The following ZMAT4 variants were observed in gnomAD, a reference collection of about 807,000 sequenced individuals.
ZMAT4 encodes zinc finger matrin-type 4.
Under a neutral mutation model 28.7 loss-of-function variants are expected in ZMAT4, and 17 were observed. The ratio of observed to expected loss-of-function variants is 0.59; its 90% CI spans 0.41 to 0.89. ZMAT4 has a LOEUF of 0.89. ZMAT4 is among the 40% of genes least tolerant of loss of function. The pLI is 0.00. For synonymous variants in ZMAT4, 117 were observed against 109.2 expected (o/e 1.07, Z -0.44); for missense variants, 240 against 283.8 (o/e 0.85, Z 1.11).
chr8:40,851,618 A>G (rs1035713092), intron 1 of ZMAT4, among the ~76,000 whole-genome samples: 2 of 152,174 alleles, frequency 1.3e-5, no homozygotes, highest in South Asian at 4.1e-4. Context: ...ACACATAATA[A>G]TTGCACATAT....
At chr8:40,842,430 T>G (rs1342356447) in intron 1 of ZMAT4, among the ~76,000 whole-genome samples, 1 of 152,250 alleles carries the variant, frequency 6.6e-6, no homozygotes, top group Non-Finnish European at 1.5e-5. Context: ...TATCTTCCAG[T>G]TATCTTTCTT....
chr8:40,579,090 G>A (rs895411974), intron 6 of ZMAT4, among the ~76,000 whole-genome samples: 4 of 152,022 alleles, frequency 2.6e-5, no homozygotes, highest in Admixed American at 2.6e-4. Context: ...GGTAGTTAAG[G>A]GAATTAAATG....
At chr8:40,585,721 T>G (rs1804651461) in intron 5 of ZMAT4, among the ~76,000 whole-genome samples, 1 of 152,174 alleles carries the variant, frequency 6.6e-6, no homozygotes, top group East Asian at 1.9e-4. Flanking sequence ...TGTGAGTTTT[T>G]AAATGCTTAT....
chr8:40,670,369 C>T lies in ZMAT4; in HGVS notation c.577+4335G>A, dbSNP rs80255800. 4.8e-3 allele frequency among the ~76,000 whole-genome samples: 729 copies of T among 152,262 alleles called. 23 individuals are homozygous for T. The East Asian group carries it at 0.085, about 18-fold the overall frequency. ...AATAAATTTTAACCTTTACTTCATACTGTACACAAAAATTAATTTCAGATA... is the reference window on the plus strand; with the variant it reads ...AATAAATTTTAACCTTTACTTCATATTGTACACAAAAATTAATTTCAGATA... On this transcript the variant is annotated intron_variant, in intron 5 of 6. Transcript: ENST00000297737.
intron 2 of ZMAT4, among the ~76,000 whole-genome samples, chr8:40,814,690 G>A (rs187317719): frequency 6.6e-6 from 1 of 152,258 alleles, no homozygotes; most frequent in East Asian, 1.9e-4. Context: ...AAATTAAGCT[G>A]CATCTATATG....
rs573519304 is a variant in ZMAT4 at position 40,639,927 on chromosome 8, C to A, written c.577+34777G>T. On this transcript the variant is annotated intron_variant, in intron 5 of 6. Coordinates refer to ENST00000297737, the MANE Select transcript of ZMAT4 (RefSeq NM_024645.3). ...ACCCAAATAACTCCCTTGTCTGGTC[C>A]TCTCTCATTCTATTATATCCATCTT... is the stretch of plus-strand genomic sequence containing the variant. Among the ~76,000 whole-genome samples, 178 of 151,966 alleles carry A rather than the reference C, an allele frequency of 1.2e-3. 1 individual carries two copies. In the Middle Eastern group the frequency reaches 0.014, roughly 12 times the overall value.
chr8:40,779,237 C>T (rs1159343831), intron 2 of ZMAT4, among the ~76,000 whole-genome samples: 1 of 152,160 alleles, frequency 6.6e-6, no homozygotes, highest in Non-Finnish European at 1.5e-5. Context: ...CCATGTAAGA[C>T]ATGCTTTTTG....
At chr8:40,651,325 C>T (rs1480900830) in intron 5 of ZMAT4, among the ~76,000 whole-genome samples, 4 of 152,126 alleles carry the variant, frequency 2.6e-5, no homozygotes, top group Non-Finnish European at 5.9e-5. Context: ...CTCTCATTCA[C>T]AATTGCTTTA....
intron 5 of ZMAT4, among the ~76,000 whole-genome samples, chr8:40,650,285 A>T (rs372285869): frequency 6.6e-6 from 1 of 152,046 alleles, no homozygotes. Flanking sequence ...CCATCAGAGA[A>T]TACTACAAAC....
At chr8:40,713,674 G>A (rs1026885275) in intron 3 of ZMAT4, among the ~76,000 whole-genome samples, 15 of 151,922 alleles carry the variant, frequency 9.9e-5, no homozygotes, top group Admixed American at 2.6e-4. Flanking sequence ...TTTGGGAGGC[G>A]GAGGCAGGTA....
chr8:40,552,552 C>G (rs934912003), intron 6 of ZMAT4, among the ~76,000 whole-genome samples: 2 of 152,112 alleles, frequency 1.3e-5, no homozygotes, highest in African/African-American at 4.8e-5. Flanking sequence ...CCTACTTGTG[C>G]CAGGCATTGT....
At chr8:40,766,654 T>C (rs1399680429) in intron 3 of ZMAT4, among the ~76,000 whole-genome samples, 1 of 152,254 alleles carries the variant, frequency 6.6e-6, no homozygotes, top group Non-Finnish European at 1.5e-5. Flanking sequence ...ACAGCTCATT[T>C]TGTGACACCA....
At chr8:40,810,521 A>G (rs1815274634) in intron 2 of ZMAT4, among the ~76,000 whole-genome samples, 1 of 152,246 alleles carries the variant, frequency 6.6e-6, no homozygotes, top group African/African-American at 2.4e-5. Flanking sequence ...GGCTCACCAC[A>G]TGGAAGAAAA....
At chr8:40,889,128 C>G (rs938615788) in intron 1 of ZMAT4, among the ~76,000 whole-genome samples, 1 of 152,166 alleles carries the variant, frequency 6.6e-6, no homozygotes, top group African/African-American at 2.4e-5. Flanking sequence ...TGTGATGCAC[C>G]CCTTGAAATG....
intron 5 of ZMAT4, among the ~76,000 whole-genome samples, chr8:40,653,003 C>T (rs1233505105): frequency 6.6e-6 from 1 of 151,626 alleles, no homozygotes; most frequent in Admixed American, 6.6e-5. Flanking sequence ...TTAGTGGGTG[C>T]AGTGCACCAG....
At chr8:40,772,943 T>C (rs144267179) in intron 2 of ZMAT4, among the ~76,000 whole-genome samples, 1 of 151,960 alleles carries the variant, frequency 6.6e-6, no homozygotes, top group South Asian at 2.1e-4. Flanking sequence ...GATGAGGGAC[T>C]CCATCACACA....
At chr8:40,857,116 G>A (rs1817326691) in intron 1 of ZMAT4, among the ~76,000 whole-genome samples, 1 of 152,140 alleles carries the variant, frequency 6.6e-6, no homozygotes. Flanking sequence ...AGGGAGGGAG[G>A]CAAGTGAAGA....
At chr8:40,590,557 A>T (rs1585725458) in intron 5 of ZMAT4, among the ~76,000 whole-genome samples, 1 of 152,104 alleles carries the variant, frequency 6.6e-6, no homozygotes, top group African/African-American at 2.4e-5. Context: ...GCCATTTTAG[A>T]CAGCACGTCC....
At chr8:40,852,804 T>C (rs1171552802) in intron 1 of ZMAT4, among the ~76,000 whole-genome samples, 1 of 152,106 alleles carries the variant, frequency 6.6e-6, no homozygotes, top group Non-Finnish European at 1.5e-5. Flanking sequence ...CATTTCATTA[T>C]ATAATACCCA....
Sources: gnomAD v4.1 joint callset for allele counts (sites outside exome capture counted in the v4.1 genomes callset) on GRCh38, gnomAD v4.1.1 for gene constraint, MANE v1.5 for transcripts, NCBI Gene and HGNC (gene_info 2026-07-23, HGNC 2026-07-21) for gene names.